Variants in DYNC2H1 observed in about 807,000 individuals in gnomAD.
DYNC2H1 encodes the protein cytoplasmic dynein 2 heavy chain 1.
In DYNC2H1, 410 loss-of-function variants were observed where a neutral mutation model predicts 570.0. That is an observed-to-expected ratio of 0.72 (90% CI 0.66 to 0.78). The LOEUF (loss-of-function observed/expected upper bound fraction) is 0.78, where lower values mean the gene tolerates loss of function less well. DYNC2H1 is among the 30% of genes least tolerant of loss of function. DYNC2H1 has a pLI of 0.00. For synonymous variants in DYNC2H1, 1,688 were observed against 1,677.6 expected, an observed-to-expected ratio of 1.01 and a Z score of -0.15; for missense variants, 4,865 against 5,046.4, an observed-to-expected ratio of 0.96 and a Z score of 1.09.
chr11:103,431,360 A>C (rs1378091391), intron 84 of DYNC2H1, among the ~76,000 whole-genome samples: 1 of 152,126 alleles, frequency 6.6e-6, no homozygotes, highest in African/African-American at 2.4e-5. Flanking sequence ...CATTATAGAA[A>C]TATTAGATCT....
At chr11:103,412,448 A>G (rs1606669) in intron 84 of DYNC2H1, among the ~76,000 whole-genome samples, 77,155 of 152,030 alleles carry the variant, frequency 0.51, 19,858 homozygotes, top group African/African-American at 0.6. Flanking sequence ...TAAAATATAC[A>G]GCAAAAATTA....
intron 70 of DYNC2H1, among the ~76,000 whole-genome samples, chr11:103,267,771 C>G (rs993311826): frequency 2.5e-4 from 38 of 151,822 alleles, no homozygotes; most frequent in Admixed American, 2.5e-3. Flanking sequence ...TGATTTGTTC[C>G]TTATCATCCA....
intron 21 of DYNC2H1, 92 bp from the exon 22 acceptor site, chr11:103,153,211 C>T (rs1169201108): frequency 1.8e-6 from 2 of 1,136,378 alleles, no homozygotes; most frequent in Non-Finnish European, 2.4e-6. Context: ...GATATTTTTT[C>T]ACTTTTAAAT....
intron 83 of DYNC2H1, among the ~76,000 whole-genome samples, chr11:103,365,773 C>T (rs1940877675): frequency 6.6e-6 from 1 of 152,332 alleles, no homozygotes; most frequent in Non-Finnish European, 1.5e-5. Flanking sequence ...TTAAAACCTA[C>T]ATCTTTGGCT....
At chr11:103,113,250 G>A (rs1233101419) in intron 1 of DYNC2H1, among the ~76,000 whole-genome samples, 4 of 152,030 alleles carry the variant, frequency 2.6e-5, no homozygotes, top group Non-Finnish European at 5.9e-5. Flanking sequence ...GAATCTGGCT[G>A]GAATGGAATC....
intron 85 of DYNC2H1, among the ~76,000 whole-genome samples, chr11:103,450,817 A>T (rs1318491319): frequency 6.6e-6 from 1 of 152,208 alleles, no homozygotes; most frequent in Non-Finnish European, 1.5e-5. Context: ...ATTATATGTG[A>T]ATGAAGATAT....
chr11:103,423,433 A>C (rs568961897), intron 84 of DYNC2H1, among the ~76,000 whole-genome samples: 1 of 150,096 alleles, frequency 6.7e-6, no homozygotes, highest in African/African-American at 2.4e-5. Context: ...AAAAAAAAAA[A>C]AAAAACCCTG....
intron 22 of DYNC2H1, 88 bp from the exon 23 acceptor site, chr11:103,154,363 A>G (rs1860709285): frequency 8.6e-7 from 1 of 1,168,594 alleles, no homozygotes. Context: ...ACACACATAC[A>G]AGGATTGCAG....
chr11:103,410,577 G>A (rs1372388830), intron 84 of DYNC2H1, among the ~76,000 whole-genome samples: 1 of 152,122 alleles, frequency 6.6e-6, no homozygotes, highest in Admixed American at 6.6e-5. Context: ...GTATTCTGGC[G>A]AATGGTTTTG....
rs1861525968 is a variant in DYNC2H1 at position 103,170,545 on chromosome 11, T to C, written c.5151+255T>C. Among the ~76,000 whole-genome samples, 1 of 152,186 alleles carries C rather than the reference T, an allele frequency of 6.6e-6. No homozygotes were observed. Among genetic ancestry groups the C allele is most frequent in the Non-Finnish European group, 1.5e-5 (1 of 68,022 alleles). On this transcript the variant is annotated intron_variant, in intron 33 of 88. Coordinates refer to ENST00000375735, the MANE Select transcript of DYNC2H1 (RefSeq NM_001377.3). The surrounding 1 kb of genome is among the most constrained non-coding windows in gnomAD (Gnocchi z 4.8). ...TTACATTGAAGAAAAATGTTTTTAG[T>C]AAAGAGAATAATACAAAAGGAAAAA...
intron 59 of DYNC2H1, among the ~76,000 whole-genome samples, chr11:103,225,168 T>A (rs1863754721): frequency 6.6e-6 from 1 of 152,192 alleles, no homozygotes; most frequent in South Asian, 2.1e-4. Flanking sequence ...GTTGGATGTA[T>A]AGATTGTGAA....
In DYNC2H1 at chr11:103,282,936, C is replaced by G; in HGVS notation, c.10813-72C>G. ...AATTTTTTTCAAAATAATAAAATAG[C>G]TAATCAATTGCTATTTTTTAAACTC... is the stretch of plus-strand genomic sequence containing the variant. On this transcript the variant is annotated intron_variant, in intron 72 of 88. Coordinates refer to ENST00000375735, the MANE Select transcript of DYNC2H1 (RefSeq NM_001377.3). 3 of 1,061,220 alleles carry G rather than the reference C, an allele frequency of 2.8e-6. No individual in the cohort carries two copies. The South Asian group carries it at 4.9e-5, about 17-fold the overall frequency. 65.7% of individuals were successfully genotyped at this position (1,061,220 alleles called of 1,614,324 possible).
At chr11:103,113,837 C>G in intron 2 of DYNC2H1, 130 bp downstream of exon 2, 1 of 874,096 alleles carries the variant, frequency 1.1e-6, no homozygotes, top group South Asian at 3.1e-5. Flanking sequence ...CTTTTCTTAA[C>G]TTTTTTTAAC....
intron 15 of DYNC2H1, among the ~76,000 whole-genome samples, 158 bp from the exon 16 acceptor site, chr11:103,135,337 T>C (rs953727345): frequency 6.6e-6 from 1 of 152,202 alleles, no homozygotes; most frequent in African/African-American, 2.4e-5. Context: ...AATAAACTTA[T>C]ACGGAGAGTA....
chr11:103,211,979 A>C, intron 54 of DYNC2H1, 36 bp downstream of exon 54: 1 of 1,459,610 alleles, frequency 6.9e-7, no homozygotes, highest in South Asian at 1.5e-5. Flanking sequence ...TTTTATCTAT[A>C]TATAGGAAAC....
Position 103,455,213 on chromosome 11 carries a change from G to A in DYNC2H1, c.12484G>A (p.Ala4162Thr), listed in dbSNP as rs866777192. The change falls in exon 86 of 89, where the codon GCT becomes ACT. Residue 4162 changes from alanine (A) to threonine (T), a missense_variant. By Grantham distance (58) the Ala-to-Thr change is moderately conservative. Around this residue, in one of 5 missense-constraint regions of DYNC2H1, gnomAD observed 2,401 missense variants for 2,454.6 expected, o/e 0.98. Coordinates refer to ENST00000375735, the MANE Select transcript of DYNC2H1 (RefSeq NM_001377.3). ...QNWVDKAEKQ[A>T]LLSETLDLSE... The stretch of plus-strand genomic sequence containing the variant: ...CTGGGTAGATAAAGCTGAAAAACAG[G>A]CTCTTCTCTCTGAAACACTTGACCT... The A allele has an allele frequency of 1.9e-6, 3 of 1,613,004 alleles. No homozygotes were observed. Among genetic ancestry groups the A allele is most frequent in the Admixed American group, 3.3e-5 (2 of 59,948 alleles).
chr11:103,338,788 CAT>C (rs570642942), intron 82 of DYNC2H1, among the ~76,000 whole-genome samples: 177 of 152,326 alleles, frequency 1.2e-3, no homozygotes, highest in African/African-American at 3.9e-3. Context: ...TCTGAGGTCA[CAT>C]GTCTTCATCA....
At position 103,153,392 on chromosome 11, in the gene DYNC2H1, G is replaced by C. The variant is rs1591325448; in HGVS notation, c.3186G>C (p.Lys1062Asn). Residue 1062 changes from lysine (K) to asparagine (N), a missense_variant, in exon 22 of 89, where the codon AAG becomes AAC. This residue lies in a region of DYNC2H1 where 1,936 missense variants were observed against 1,962.1 expected (regional missense o/e 0.99). Transcript: ENST00000375735. ...TTAAAGCTCGTTGGGACCAACTAAA[G>C]CCTGGTGATGATGTTATTGAAACTG... Reference protein sequence around the residue: ...EKFKARWDQLKPGDDVIETGQ... With the variant: ...EKFKARWDQLNPGDDVIETGQ... 1 of 1,555,186 alleles carries C rather than the reference G, an allele frequency of 6.4e-7. No homozygotes were observed. The highest frequency in any genetic ancestry group is 8.7e-7 in the Non-Finnish European group (1 of 1,148,936).
chr11:103,142,128 A>C (rs1024629640), intron 17 of DYNC2H1, among the ~76,000 whole-genome samples: 3 of 152,210 alleles, frequency 2.0e-5, no homozygotes, highest in Admixed American at 2.0e-4. Flanking sequence ...TTCTTTGACT[A>C]GGAAAGGGAA....
Sources: gnomAD v4.1 joint callset for allele counts (sites outside exome capture counted in the v4.1 genomes callset) on GRCh38, gnomAD v4.1.1 for gene constraint, gnomAD v4.1.1 regional missense constraint, Gnocchi (gnomAD v3.1) non-coding constraint, MANE v1.5 for transcripts, NCBI Gene and HGNC (gene_info 2026-07-23, HGNC 2026-07-21) for gene names.